The following NEGR1 variants were observed in gnomAD, a reference collection of about 807,000 sequenced individuals.
The protein encoded by NEGR1 is IgLON family member 4.
NEGR1 carries 10 observed loss-of-function variants against 40.9 expected under a neutral mutation model. That is an observed-to-expected ratio of 0.24 (90% CI 0.15 to 0.42). The LOEUF (loss-of-function observed/expected upper bound fraction) is 0.42. Among genes scored for constraint, NEGR1 ranks in the 10% least tolerant of loss-of-function variants. The probability of loss-of-function intolerance (pLI) is 1.00; values close to 1 mark genes in which losing one functional copy is unlikely to be tolerated. For missense variants in NEGR1, 352 were observed against 438.9 expected, an observed-to-expected ratio of 0.80 and a Z score of 1.77; for synonymous variants, 185 against 166.8, an observed-to-expected ratio of 1.11 and a Z score of -0.84.
intron 5 of NEGR1, among the ~76,000 whole-genome samples, chr1:71,597,444 C>CTG: frequency 3.1e-5 from 1 of 32,720 alleles, no homozygotes; most frequent in Non-Finnish European, 8.6e-5. Flanking sequence ...CTCTCTCTCT[C>CTG]TCTCTCTCTC....
chr1:71,498,911 T>C (rs1030281400), intron 6 of NEGR1, among the ~76,000 whole-genome samples: 21 of 152,128 alleles, frequency 1.4e-4, no homozygotes, highest in Non-Finnish European at 2.9e-4. Context: ...TTGGCTTCCA[T>C]CATTTTCATC....
chr1:71,804,792 C>A (rs1341808832), intron 2 of NEGR1, among the ~76,000 whole-genome samples: 2 of 152,086 alleles, frequency 1.3e-5, no homozygotes, highest in African/African-American at 4.8e-5. Context: ...TGTGTTTGAA[C>A]AATATGAAAT....
intron 1 of NEGR1, among the ~76,000 whole-genome samples, chr1:72,012,853 ATATACACACACACATATATATATAT>A (rs1646670735): frequency 7.7e-6 from 1 of 129,952 alleles, no homozygotes; most frequent in Non-Finnish European, 1.6e-5. Context: ...ATATATATAT[ATATACACACACACATATATATATAT>A]TTTTTTTTTT....
chr1:71,765,711 G>A (rs544254223), intron 3 of NEGR1, among the ~76,000 whole-genome samples: 1 of 152,180 alleles, frequency 6.6e-6, no homozygotes, highest in South Asian at 2.1e-4. Flanking sequence ...TATTTGACCT[G>A]ATTGACATTA....
intron 3 of NEGR1, among the ~76,000 whole-genome samples, chr1:71,717,991 C>T (rs559900222): frequency 5.9e-5 from 9 of 152,106 alleles, no homozygotes; most frequent in Non-Finnish European, 1.3e-4. Context: ...GACTTATAGC[C>T]TCCAGAATTG....
At chr1:72,038,779 A>G (rs1251981490) in intron 1 of NEGR1, among the ~76,000 whole-genome samples, 1 of 151,970 alleles carries the variant, frequency 6.6e-6, no homozygotes, top group East Asian at 1.9e-4. Flanking sequence ...ATTTTAATAA[A>G]ATAAATGAAT....
intron 6 of NEGR1, among the ~76,000 whole-genome samples, chr1:71,589,528 T>C (rs1649429642): frequency 6.6e-6 from 1 of 152,088 alleles, no homozygotes; most frequent in African/African-American, 2.4e-5. Context: ...GACCTAATTT[T>C]TTCTTTTAAT....
At chr1:71,821,392 G>T (rs572636162) in intron 2 of NEGR1, among the ~76,000 whole-genome samples, 74 of 151,974 alleles carry the variant, frequency 4.9e-4, no homozygotes, top group Admixed American at 1.0e-3. Context: ...CCTAAGTGAA[G>T]AATAAATACT....
chr1:71,610,599 C>A (rs954030589), intron 5 of NEGR1, among the ~76,000 whole-genome samples: 4 of 152,148 alleles, frequency 2.6e-5, no homozygotes, highest in African/African-American at 9.7e-5. Flanking sequence ...GTTAAACTAT[C>A]TTGTGGGAGA....
At chr1:71,922,078 C>G (rs1388075442) in intron 2 of NEGR1, among the ~76,000 whole-genome samples, 1 of 152,160 alleles carries the variant, frequency 6.6e-6, no homozygotes, top group Non-Finnish European at 1.5e-5. Flanking sequence ...GCAGGTCTCA[C>G]TGCCAGAGCC....
chr1:71,845,330 A>C, intron 2 of NEGR1, among the ~76,000 whole-genome samples: 1 of 152,156 alleles, frequency 6.6e-6, no homozygotes, highest in Non-Finnish European at 1.5e-5. Flanking sequence ...GGCATAAATC[A>C]TAATCAATTT....
intron 1 of NEGR1, among the ~76,000 whole-genome samples, chr1:72,017,898 A>T (rs1248449172): frequency 6.6e-6 from 1 of 152,148 alleles, no homozygotes; most frequent in Non-Finnish European, 1.5e-5. Context: ...ATACAAAATT[A>T]TTTAAAGAAC....
At chr1:71,771,104 T>G (rs1038323246) in intron 3 of NEGR1, among the ~76,000 whole-genome samples, 2 of 152,162 alleles carry the variant, frequency 1.3e-5, no homozygotes, top group African/African-American at 4.8e-5. Context: ...ATATACACCA[T>G]GGAATACTAT....
intron 4 of NEGR1, among the ~76,000 whole-genome samples, chr1:71,673,291 G>A (rs538113349): frequency 1.3e-5 from 2 of 152,182 alleles, no homozygotes; most frequent in Admixed American, 6.5e-5. Flanking sequence ...ATACTAATGG[G>A]TATCTTTGTA....
At chr1:71,728,982 C>T (rs1446426261) in intron 3 of NEGR1, among the ~76,000 whole-genome samples, 2 of 151,970 alleles carry the variant, frequency 1.3e-5, no homozygotes, top group East Asian at 1.9e-4. Flanking sequence ...GACAGAAGAA[C>T]ATGATAGAGA....
At chr1:71,628,490 G>A (rs1650861650) in intron 4 of NEGR1, among the ~76,000 whole-genome samples, 1 of 151,858 alleles carries the variant, frequency 6.6e-6, no homozygotes, top group African/African-American at 2.4e-5. Flanking sequence ...AGGTATACAC[G>A]TGCCATGGTG....
At chr1:72,219,572 T>C (rs1179249006) in intron 1 of NEGR1, among the ~76,000 whole-genome samples, 5 of 152,072 alleles carry the variant, frequency 3.3e-5, no homozygotes, top group Non-Finnish European at 7.4e-5. Flanking sequence ...TATTCAAACA[T>C]ATTAAAATTT....
At chr1:72,181,976 T>C (rs1350195638) in intron 1 of NEGR1, among the ~76,000 whole-genome samples, 1 of 152,142 alleles carries the variant, frequency 6.6e-6, no homozygotes, top group African/African-American at 2.4e-5. Context: ...AGATGTAATG[T>C]ACAATATGCG....
intron 1 of NEGR1, among the ~76,000 whole-genome samples, chr1:72,093,842 C>A (rs1486969379): frequency 1.3e-5 from 2 of 152,126 alleles, no homozygotes; most frequent in Non-Finnish European, 2.9e-5. Flanking sequence ...AATTAGTATG[C>A]TGTTCAACCA....
Sources: gnomAD v4.1 joint callset for allele counts (sites outside exome capture counted in the v4.1 genomes callset) on GRCh38, gnomAD v4.1.1 for gene constraint, MANE v1.5 for transcripts, NCBI Gene and HGNC (gene_info 2026-07-23, HGNC 2026-07-21) for gene names.